Variants in SLC4A5 observed in about 807,000 individuals in gnomAD.
The protein encoded by SLC4A5 is solute carrier family 4 member 5.
Under a neutral mutation model 120.4 loss-of-function variants are expected in SLC4A5, and 96 were observed. The observed-to-expected ratio is 0.80, with a 90% CI of 0.68 to 0.94. SLC4A5 has a LOEUF of 0.94. Ranked by LOEUF, SLC4A5 falls within the 40% of genes least tolerant of loss-of-function variation. The probability of loss-of-function intolerance (pLI) is 0.00; values close to 1 mark genes in which losing one functional copy is unlikely to be tolerated. For synonymous variants in SLC4A5, 550 were observed against 571.1 expected (o/e 0.96, Z 0.53); for missense variants, 1,259 against 1,459.5 (o/e 0.86, Z 2.24).
chr2:74,263,455 GT>G (rs1271171536), intron 10 of SLC4A5, among the ~76,000 whole-genome samples: 1 of 152,128 alleles, frequency 6.6e-6, no homozygotes, highest in Non-Finnish European at 1.5e-5. Flanking sequence ...CTTTGCTCTG[GT>G]TACTGTGTTT....
At chr2:74,282,942 GCC>G (rs940535918) in intron 8 of SLC4A5, among the ~76,000 whole-genome samples, 7 of 152,180 alleles carry the variant, frequency 4.6e-5, no homozygotes, top group African/African-American at 1.7e-4. Context: ...TCAGGCCCTG[GCC>G]CCTCAGAGGT....
intron 26 of SLC4A5, chr2:74,227,487 G>A: frequency 1.9e-6 from 3 of 1,603,310 alleles, no homozygotes; most frequent in Non-Finnish European, 1.7e-6. Flanking sequence ...CTGCCTTAGG[G>A]AAGAGAGAGA....
intron 17 of SLC4A5, among the ~76,000 whole-genome samples, chr2:74,248,723 C>T (rs1464448525): frequency 6.6e-6 from 1 of 152,218 alleles, no homozygotes; most frequent in Non-Finnish European, 1.5e-5. Context: ...TTCCTTCTGG[C>T]ACCCAGGGCC....
chr2:74,325,660 T>G (rs1468478923), intron 5 of SLC4A5, among the ~76,000 whole-genome samples: 2 of 152,210 alleles, frequency 1.3e-5, no homozygotes, highest in Non-Finnish European at 2.9e-5. Flanking sequence ...GGTATTTTGC[T>G]TTCATCATCT....
chr2:74,237,660 G>A (rs1222635175), intron 21 of SLC4A5, among the ~76,000 whole-genome samples: 1 of 152,174 alleles, frequency 6.6e-6, no homozygotes, highest in Admixed American at 6.5e-5. Flanking sequence ...GGCTTTAGGA[G>A]ACTGCTAATG....
intron 7 of SLC4A5, among the ~76,000 whole-genome samples, chr2:74,296,616 C>CA (rs1160532512): frequency 0.071 from 3,385 of 47,434 alleles, 140 homozygotes; most frequent in African/African-American, 0.16. Context: ...ACTAAAAATA[C>CA]AAAAAAAAAA....
At chr2:74,232,364 G>A (rs780102105) in intron 24 of SLC4A5, 105 bp downstream of exon 24, 42 of 1,333,682 alleles carry the variant, frequency 3.1e-5, no homozygotes, top group African/African-American at 7.4e-5. Context: ...CCGTCAGAGC[G>A]GGGGCCCTTT....
intron 22 of SLC4A5, 125 bp downstream of exon 22, chr2:74,234,976 C>T (rs1411684428): frequency 3.4e-5 from 25 of 725,896 alleles, no homozygotes; most frequent in Non-Finnish European, 5.0e-5. Flanking sequence ...GGAAAGGTGG[C>T]ACACAGAGAA....
Position 74,292,004 on chromosome 2 carries a change from A to ACAT in SLC4A5, c.272-6103_272-6102insATG, listed in dbSNP as rs1245943468. On this transcript the variant is annotated intron_variant, in intron 7 of 30. Coordinates refer to ENST00000394019, the Ensembl canonical transcript of SLC4A5. ...TATTCATGTGGTGTTTTAAGAGCCC[A>ACAT]GACCTGGGCTCAACTCCAGACTCTG... Among the ~76,000 whole-genome samples, 3 of 152,322 alleles carry ACAT rather than the reference A, an allele frequency of 2.0e-5. No individual in the cohort carries two copies. In the East Asian group the frequency reaches 5.8e-4, roughly 29 times the overall value.
At chr2:74,298,184 C>CTA (rs1672385130) in intron 7 of SLC4A5, among the ~76,000 whole-genome samples, 2 of 152,110 alleles carry the variant, frequency 1.3e-5, no homozygotes, top group South Asian at 4.2e-4. Flanking sequence ...TATTACAAAG[C>CTA]TATAGTAATC....
At chr2:74,232,364 G>C in intron 24 of SLC4A5, 105 bp downstream of exon 24, 1 of 1,333,800 alleles carries the variant, frequency 7.5e-7, no homozygotes, top group Admixed American at 2.2e-5. Context: ...CCGTCAGAGC[G>C]GGGGCCCTTT....
chr2:74,225,076 T>C, intron 27 of SLC4A5, 81 bp from the exon 28 acceptor site: 1 of 1,422,256 alleles, frequency 7.0e-7, no homozygotes. Flanking sequence ...CATAGATTTT[T>C]TTCTCCCTCA....
chr2:74,261,689 ACT>A (rs533023835), intron 11 of SLC4A5, among the ~76,000 whole-genome samples: 146 of 152,114 alleles, frequency 9.6e-4, no homozygotes, highest in South Asian at 1.9e-3. Context: ...AGGGGCCGTG[ACT>A]CTGCCCACAT....
chr2:74,252,300 C>T (rs746680682), exon 16 of SLC4A5: 3 of 1,612,840 alleles, frequency 1.9e-6, no homozygotes, highest in East Asian at 4.5e-5. Context: ...CCACCACCAC[C>T]ACCTCCATTG....
At chr2:74,281,364 C>T (rs1405835662) in intron 8 of SLC4A5, among the ~76,000 whole-genome samples, 1 of 152,208 alleles carries the variant, frequency 6.6e-6, no homozygotes, top group Admixed American at 6.5e-5. Context: ...AGGTCATTCT[C>T]CTTCCCAGCC....
At chr2:74,277,211 C>A (rs960144973) in intron 8 of SLC4A5, among the ~76,000 whole-genome samples, 1 of 152,148 alleles carries the variant, frequency 6.6e-6, no homozygotes, top group African/African-American at 2.4e-5. Flanking sequence ...GCTGTGGGAG[C>A]CAGAGATGGA....
chr2:74,278,425 C>G (rs1013466764), intron 8 of SLC4A5, among the ~76,000 whole-genome samples: 5 of 152,212 alleles, frequency 3.3e-5, no homozygotes, highest in African/African-American at 1.2e-4. Flanking sequence ...TGTGCTTCCC[C>G]TGTCTGATTG....
exon 10 of SLC4A5, chr2:74,264,242 C>G: frequency 1.9e-6 from 3 of 1,614,238 alleles, no homozygotes. Context: ...GTAACTGACC[C>G]TCTCCCGGAG....
chr2:74,241,917 C>T (rs1165051413), intron 20 of SLC4A5, 77 bp downstream of exon 20: 1 of 1,439,432 alleles, frequency 6.9e-7, no homozygotes, highest in Non-Finnish European at 9.6e-7. Flanking sequence ...ATAAGTTGGT[C>T]TCATTTCCAA....
Sources: gnomAD v4.1 joint callset for allele counts (sites outside exome capture counted in the v4.1 genomes callset) on GRCh38, gnomAD v4.1.1 for gene constraint, MANE v1.5 for transcripts, NCBI Gene and HGNC (gene_info 2026-07-23, HGNC 2026-07-21) for gene names.